CARD19: variants seen among roughly 807,000 people sequenced by gnomAD.
The protein encoded by CARD19 is caspase recruitment domain-containing protein 19.
A neutral mutation model predicts 24.1 loss-of-function variants in CARD19; 25 were observed. The ratio of observed to expected loss-of-function variants is 1.04; its 90% confidence interval spans 0.76 to 1.45. CARD19 has a LOEUF of 1.45. CARD19 is among the 40% of genes most tolerant of loss of function. CARD19 has a pLI of 0.00. For missense variants in CARD19, 241 were observed against 247.4 expected, an observed-to-expected ratio of 0.97 and a Z score of 0.17; for synonymous variants, 103 against 104.9, an observed-to-expected ratio of 0.98 and a Z score of 0.11.
chr9:93,110,500 G>C, intron 2 of CARD19, 68 bp from the exon 3 acceptor site: 1 of 1,520,048 alleles, frequency 6.6e-7, no homozygotes. Context: ...CCTGACCTTG[G>C]TGCCCTGCCC....
Position 93,107,676 on chromosome 9 carries a change from CA to C in CARD19, c.11del (p.Gln4ArgfsTer14). On this transcript the variant is annotated frameshift_variant, in exon 2 of 6. Transcript: ENST00000375464. LOFTEE classifies it high-confidence loss of function. MTD[Q>X]TYCDRLVQDT... ...TGACCCTGTGCTATCTGTTTTAGATCAGACCTATTGTGACCGCCTGGTGCAG... is the reference window on the plus strand; with the variant it reads ...TGACCCTGTGCTATCTGTTTTAGATCGACCTATTGTGACCGCCTGGTGCAG... The C allele has an allele frequency of 6.2e-7, 1 of 1,614,200 alleles. No individual in the cohort carries two copies. Among genetic ancestry groups the C allele is most frequent in the Non-Finnish European group, 8.5e-7 (1 of 1,180,018 alleles).
intron 3 of CARD19, chr9:93,111,083 C>T (rs1827464556): frequency 7.6e-7 from 1 of 1,322,446 alleles, no homozygotes; most frequent in African/African-American, 1.5e-5. Context: ...ACCTTGTTCC[C>T]ACAGCTGCAT....
At chr9:93,107,922 C>T (rs1827326215) in intron 2 of CARD19, 106 bp downstream of exon 2, 2 of 1,398,884 alleles carry the variant, frequency 1.4e-6, no homozygotes, top group Non-Finnish European at 2.0e-6. Context: ...CATGGGATGA[C>T]ACACTAGGTA....
At chr9:93,112,014 C>T in intron 4 of CARD19, 76 bp downstream of exon 4, 1 of 1,532,996 alleles carries the variant, frequency 6.5e-7, no homozygotes, top group Non-Finnish European at 8.8e-7. Flanking sequence ...GGCTCCATCT[C>T]CGCCTCAGGG....
At chr9:93,112,868 C>T (rs1048200521) in intron 5 of CARD19, 124 bp from the exon 6 acceptor site, 2 of 628,784 alleles carry the variant, frequency 3.2e-6, no homozygotes, top group Admixed American at 5.9e-5. Context: ...AAGCCGAGAC[C>T]ATGACCGGGA....
chr9:93,098,807 G>A (rs939089142), intron 1 of CARD19, among the ~76,000 whole-genome samples: 3 of 152,162 alleles, frequency 2.0e-5, no homozygotes, highest in East Asian at 3.9e-4. Context: ...CCTGGTTAGC[G>A]GCTTGCAGGG....
At chr9:93,112,136 A>C in intron 4 of CARD19, 82 bp from the exon 5 acceptor site, 1 of 1,424,040 alleles carries the variant, frequency 7.0e-7, no homozygotes. Context: ...TGGCACCCCC[A>C]CTCCCCTGCG....
intron 2 of CARD19, 123 bp downstream of exon 2, chr9:93,107,939 G>A: frequency 7.7e-7 from 1 of 1,292,732 alleles, no homozygotes; most frequent in Non-Finnish European, 1.1e-6. Context: ...GGTATGTCAG[G>A]ATTCAGAGGT....
Position 93,110,731 on chromosome 9 carries a change from ACATCACCAACCATG to A in CARD19, c.304+14_304+27del, listed in dbSNP as rs1366080148. 1 of 1,607,766 alleles carries A rather than the reference ACATCACCAACCATG, an allele frequency of 6.2e-7. No individual in the cohort carries two copies. The highest frequency in any genetic ancestry group is 1.3e-5 in the African/African-American group (1 of 74,892). On this transcript the variant is annotated intron_variant, in intron 3 of 5. Coordinates refer to ENST00000375464, the MANE Select transcript of CARD19 (RefSeq NM_032310.5). ...AGCCGCCACGCTCTGCGTAAGTTCC[ACATCACCAACCATG>A]CATGCTTGGTGCTGGCCCGGGGAGG...
At chr9:93,110,526 C>T in intron 2 of CARD19, 42 bp from the exon 3 acceptor site, 1 of 1,549,696 alleles carries the variant, frequency 6.5e-7, no homozygotes, top group East Asian at 2.3e-5. Flanking sequence ...CACAGCCAGC[C>T]CCCCTGGCCT....
At chr9:93,098,359 A>AGG (rs950858632) in intron 1 of CARD19, among the ~76,000 whole-genome samples, 3 of 152,200 alleles carry the variant, frequency 2.0e-5, no homozygotes, top group African/African-American at 7.2e-5. Context: ...GTGGGCCTAG[A>AGG]GGGCCCGGTG....
intron 1 of CARD19, among the ~76,000 whole-genome samples, chr9:93,097,769 C>T (rs1173932372): frequency 6.6e-6 from 1 of 152,134 alleles, no homozygotes; most frequent in African/African-American, 2.4e-5. Flanking sequence ...ATAAGGGGAC[C>T]CTGGAGCTGG....
In CARD19 at chr9:93,110,548, G is replaced by T. The variant is rs763239155; in HGVS notation, c.151-20G>T. On this transcript the variant is annotated intron_variant, in intron 2 of 5. Coordinates refer to ENST00000375464, the MANE Select transcript of CARD19 (RefSeq NM_032310.5). ...AGCCCCCCTGGCCTGATCTTCCCTG[G>T]CACCCCCTTGTACCCTCAGTTCCGG... is the stretch of plus-strand genomic sequence containing the variant. 1.9e-5 allele frequency: 30 copies of T among 1,570,390 alleles called. No homozygotes were observed. Among genetic ancestry groups the T allele is most frequent in the Middle Eastern group, 3.4e-4 (2 of 5,874 alleles).
rs1283173374 is a variant in CARD19, at chr9:93,107,689, A to T, written c.23A>T (p.Asp8Val). Residue 8 changes from aspartate (D) to valine (V), a missense_variant, in exon 2 of 6, where the codon GAC (aspartate) becomes GTC (valine). Asp to Val is a radical substitution (Grantham distance 152). Transcript: ENST00000375464. Reference protein sequence around the residue: MTDQTYCDRLVQDTPFLT... With the variant: MTDQTYCVRLVQDTPFLT... ...TCTGTTTTAGATCAGACCTATTGTG[A>T]CCGCCTGGTGCAGGACACGCCTTTC... 7.4e-6 allele frequency: 12 copies of T among 1,614,014 alleles called. No homozygotes were observed. Among genetic ancestry groups the T allele is most frequent in the East Asian group, 6.7e-5 (3 of 44,896 alleles).
In CARD19 at chr9:93,110,681, C is replaced by G. The variant is rs145273328; in HGVS notation, c.264C>G (p.Ala88=). 2.5e-6 allele frequency: 4 copies of G among 1,613,184 alleles called. No individual in the cohort carries two copies. Among genetic ancestry groups the G allele is most frequent in the Non-Finnish European group, 3.4e-6 (4 of 1,180,006 alleles). The part of the protein sequence containing the change: ...QEFYRALYIH[A]QPLHSRLPSR... Reference sequence around the variant, plus strand: ...TCTACCGAGCCCTGTATATCCATGCCCAGCCCCTGCACAGCCGCCTGCCCA... The same window carrying G: ...TCTACCGAGCCCTGTATATCCATGCGCAGCCCCTGCACAGCCGCCTGCCCA... The change falls in exon 3 of 6, where the codon GCC becomes GCG. Residue 88 remains alanine, a synonymous_variant. Coordinates refer to ENST00000375464, the MANE Select transcript of CARD19 (RefSeq NM_032310.5).
chr9:93,100,736 C>T (rs1388603573), intron 1 of CARD19, among the ~76,000 whole-genome samples: 1 of 152,204 alleles, frequency 6.6e-6, no homozygotes, highest in African/African-American at 2.4e-5. Flanking sequence ...CTTCTGCCCA[C>T]ACCTCCTGGT....
Position 93,096,493 on chromosome 9 carries a change from G to C in CARD19, c.7+141G>C, listed in dbSNP as rs984987943. ...GAGTGACCTTGGCCCGTCAGCTGTC[G>C]GTGGTGCGCGAGTGCACCCCCGCGA... On this transcript the variant is annotated intron_variant, in intron 1 of 5. Coordinates refer to ENST00000375464, the MANE Select transcript of CARD19 (RefSeq NM_032310.5). The surrounding 1 kb of genome is among the most constrained non-coding windows in gnomAD (Gnocchi z 5.4). 36 of 812,576 alleles carry C rather than the reference G, an allele frequency of 4.4e-5. No individual in the cohort carries two copies. Among genetic ancestry groups the C allele is most frequent in the Non-Finnish European group, 5.6e-5 (34 of 610,606 alleles). 50.3% of individuals were successfully genotyped at this position (812,576 alleles called of 1,614,324 possible).
chr9:93,112,504 A>T (rs1827540180), intron 5 of CARD19, among the ~76,000 whole-genome samples: 2 of 152,232 alleles, frequency 1.3e-5, no homozygotes, highest in South Asian at 4.1e-4. Flanking sequence ...TGGGAACCAG[A>T]GAATGATGAC....
intron 1 of CARD19, among the ~76,000 whole-genome samples, chr9:93,100,042 C>G (rs1372782508): frequency 6.6e-6 from 1 of 152,080 alleles, no homozygotes; most frequent in African/African-American, 2.4e-5. Context: ...ATCTGCCCAT[C>G]ACCGTGGTCC....
Sources: gnomAD v4.1 joint callset for allele counts (sites outside exome capture counted in the v4.1 genomes callset) on GRCh38, gnomAD v4.1.1 for gene constraint, Gnocchi (gnomAD v3.1) non-coding constraint, MANE v1.5 for transcripts, NCBI Gene and HGNC (gene_info 2026-07-23, HGNC 2026-07-21) for gene names.